Variants in DCC observed in about 807,000 individuals in gnomAD.
The protein encoded by DCC is DCC netrin 1 receptor.
DCC carries 58 observed loss-of-function variants against 172.5 expected under a neutral mutation model. That is an observed-to-expected ratio of 0.34 (90% CI 0.27 to 0.42). DCC has a LOEUF of 0.42. Among genes scored for constraint, DCC ranks in the 10% least tolerant of loss-of-function variants. The pLI is 1.00. For synonymous variants in DCC, 709 were observed against 644.5 expected (o/e 1.10, Z -1.52); for missense variants, 1,740 against 1,791.0 (o/e 0.97, Z 0.51).
Position 53,035,628 on chromosome 18 carries a change from G to A in DCC, c.986-27677G>A, listed in dbSNP as rs2042082573. Among the ~76,000 whole-genome samples, 5 of 152,196 alleles carry A rather than the reference G, an allele frequency of 3.3e-5. 2 individuals carry two copies. The Middle Eastern group carries it at 0.017, about 518-fold the overall frequency. On this transcript the variant is annotated intron_variant, in intron 5 of 28. Transcript: ENST00000442544. Reference sequence around the variant, plus strand: ...TTGCTCAAAGCCGCTTGCTTAAAGAGGAACATTATAGCAGCGTAGGGAAAA... The same window carrying A: ...TTGCTCAAAGCCGCTTGCTTAAAGAAGAACATTATAGCAGCGTAGGGAAAA...
chr18:53,091,851 CAATCTATCTATA>C (rs757758987), intron 7 of DCC, among the ~76,000 whole-genome samples: 3,298 of 54,350 alleles, frequency 0.061, 50 homozygotes, highest in African/African-American at 0.17. Context: ...ATCTATCTAT[CAATCTATCTATA>C]TATATATATA....
intron 8 of DCC, among the ~76,000 whole-genome samples, chr18:53,168,038 G>T (rs1349143084): frequency 6.6e-6 from 1 of 152,126 alleles, no homozygotes; most frequent in African/African-American, 2.4e-5. Flanking sequence ...CAGTTAGAAT[G>T]GCGATTATTA....
At chr18:53,491,397 A>G (rs1437900194) in intron 26 of DCC, among the ~76,000 whole-genome samples, 2 of 152,196 alleles carry the variant, frequency 1.3e-5, no homozygotes, top group African/African-American at 4.8e-5. Flanking sequence ...TTTCTGGGGT[A>G]CATGTGCAGA....
intron 1 of DCC, among the ~76,000 whole-genome samples, chr18:52,580,747 A>G (rs1225976694): frequency 2.6e-5 from 4 of 152,150 alleles, no homozygotes; most frequent in Non-Finnish European, 5.9e-5. Context: ...CATTCTAGCT[A>G]AGGTTGCCTT....
intron 1 of DCC, among the ~76,000 whole-genome samples, chr18:52,620,989 G>A (rs1247720128): frequency 6.6e-6 from 1 of 152,180 alleles, no homozygotes; most frequent in Non-Finnish European, 1.5e-5. Context: ...TCATATTTGA[G>A]TGCTGGTCAG....
intron 5 of DCC, among the ~76,000 whole-genome samples, chr18:53,026,429 G>C (rs1026691966): frequency 6.6e-6 from 1 of 151,926 alleles, no homozygotes; most frequent in Non-Finnish European, 1.5e-5. Flanking sequence ...GTGATTTTTT[G>C]ATTCAACATT....
At chr18:53,451,707 C>G in intron 23 of DCC, among the ~76,000 whole-genome samples, 1 of 135,310 alleles carries the variant, frequency 7.4e-6, no homozygotes, top group Non-Finnish European at 1.5e-5. Context: ...ATAGCTCGCT[C>G]TTGCTCTCTC....
intron 1 of DCC, among the ~76,000 whole-genome samples, chr18:52,455,637 T>G (rs1452321925): frequency 6.6e-6 from 1 of 152,174 alleles, no homozygotes; most frequent in Non-Finnish European, 1.5e-5. Flanking sequence ...CATGGCCTGG[T>G]TGTAATTCCA....
At chr18:53,402,959 T>G in intron 19 of DCC, 66 bp downstream of exon 19, 1 of 1,127,482 alleles carries the variant, frequency 8.9e-7, no homozygotes, top group Non-Finnish European at 1.4e-6. Flanking sequence ...ACCCCCTACA[T>G]GAGCTGCTCC....
chr18:52,935,274 A>G (rs966399187), intron 5 of DCC, among the ~76,000 whole-genome samples: 2 of 152,040 alleles, frequency 1.3e-5, no homozygotes, highest in African/African-American at 4.8e-5. Flanking sequence ...ATGTCCTTTC[A>G]TCTTATTTTT....
intron 1 of DCC, among the ~76,000 whole-genome samples, chr18:52,485,498 T>A (rs904796508): frequency 6.6e-6 from 1 of 152,098 alleles, no homozygotes; most frequent in African/African-American, 2.4e-5. Context: ...TGTATTTTAG[T>A]CTAGCAGATA....
chr18:53,250,965 A>G (rs960564899), intron 12 of DCC, among the ~76,000 whole-genome samples: 2 of 151,752 alleles, frequency 1.3e-5, no homozygotes, highest in South Asian at 2.1e-4. Flanking sequence ...CTTGTTGTGC[A>G]TGGTTTACCA....
intron 1 of DCC, among the ~76,000 whole-genome samples, chr18:52,630,708 TATC>T (rs983717407): frequency 3.3e-5 from 5 of 152,174 alleles, no homozygotes; most frequent in African/African-American, 1.2e-4. Flanking sequence ...AGTTAATTCT[TATC>T]ATATCTCTAG....
chr18:53,528,939 C>T (rs528553331), intron 28 of DCC, among the ~76,000 whole-genome samples: 72 of 147,746 alleles, frequency 4.9e-4, no homozygotes, highest in Middle Eastern at 3.4e-3. Context: ...AGTTTGAGAA[C>T]GACAACCAGA....
At chr18:52,890,483 T>C (rs147290158) in intron 2 of DCC, among the ~76,000 whole-genome samples, 2 of 152,104 alleles carry the variant, frequency 1.3e-5, no homozygotes, top group African/African-American at 4.8e-5. Flanking sequence ...ATGGTACATA[T>C]CAGGTAAGAA....
At chr18:52,429,154 G>C (rs1196190627) in intron 1 of DCC, among the ~76,000 whole-genome samples, 2 of 152,162 alleles carry the variant, frequency 1.3e-5, no homozygotes, top group Non-Finnish European at 2.9e-5. Context: ...TTTATTGAGT[G>C]TCTGTTAAGT....
intron 1 of DCC, among the ~76,000 whole-genome samples, chr18:52,675,541 C>T (rs2035632667): frequency 6.6e-6 from 1 of 152,174 alleles, no homozygotes; most frequent in African/African-American, 2.4e-5. Flanking sequence ...CCAAGCTGCA[C>T]CCTGACCACC....
At chr18:53,312,039 G>C (rs910914414) in intron 13 of DCC, among the ~76,000 whole-genome samples, 7 of 151,992 alleles carry the variant, frequency 4.6e-5, no homozygotes, top group Admixed American at 3.9e-4. Context: ...GTAGGGCGCG[G>C]TGGCTCATGC....
chr18:53,048,753 T>C (rs1331965647), intron 5 of DCC, among the ~76,000 whole-genome samples: 1 of 151,636 alleles, frequency 6.6e-6, no homozygotes, highest in Non-Finnish European at 1.5e-5. Flanking sequence ...TCTTTTCAGC[T>C]CTTTGAGGAA....
Sources: gnomAD v4.1 joint callset for allele counts (sites outside exome capture counted in the v4.1 genomes callset) on GRCh38, gnomAD v4.1.1 for gene constraint, MANE v1.5 for transcripts, NCBI Gene and HGNC (gene_info 2026-07-23, HGNC 2026-07-21) for gene names.